The following DNAH3 variants were observed in gnomAD, a reference collection of about 807,000 sequenced individuals.
The protein encoded by DNAH3 is dynein axonemal heavy chain 3, also known as axonemal beta dynein heavy chain 3.
In DNAH3, 332 loss-of-function variants were observed where a neutral mutation model predicts 432.5. The observed-to-expected ratio is 0.77, with a 90% CI of 0.70 to 0.84. The LOEUF (loss-of-function observed/expected upper bound fraction) is 0.84, where lower values mean the gene tolerates loss of function less well. Among genes scored for constraint, DNAH3 ranks in the 40% least tolerant of loss-of-function variants. The pLI, the probability that DNAH3 is intolerant of heterozygous loss-of-function variation, is 0.00. For missense variants in DNAH3, 4,861 were observed against 5,114.0 expected (o/e 0.95, Z 1.51); for synonymous variants, 1,956 against 1,900.2 (o/e 1.03, Z -0.76).
intron 3 of DNAH3, 93 bp from the exon 5 acceptor site, chr16:21,141,465 G>T: frequency 1.1e-6 from 1 of 894,304 alleles, no homozygotes; most frequent in Non-Finnish European, 1.8e-6. Flanking sequence ...CAGTCCAGGA[G>T]CACACTAAGG....
chr16:20,944,591 C>G (rs1330059376), exon 58 of DNAH3: 1 of 1,614,112 alleles, frequency 6.2e-7, no homozygotes, highest in Admixed American at 1.7e-5. Flanking sequence ...TTGGTGATGT[C>G]TGCGTTCTCA....
chr16:21,009,931 G>T lies in DNAH3; in HGVS notation c.6023-6724C>A, dbSNP rs539588233. ...AGGAGAGGAGGGGAGGGGAGGGGAG[G>T]GGAGGGGAGGAAAAGAAGGAAGGGA... On this transcript the variant is annotated intron_variant, in intron 41 of 61. Coordinates refer to ENST00000261383, the Ensembl canonical transcript of DNAH3. 1.0e-3 allele frequency among the ~76,000 whole-genome samples: 152 copies of T among 146,296 alleles called. 1 individual carries two copies. The highest frequency in any genetic ancestry group is 3.5e-3 in the Middle Eastern group (1 of 286).
chr16:21,019,402 T>A (rs1030398797), intron 41 of DNAH3: 3 of 570,142 alleles, frequency 5.3e-6, no homozygotes, highest in African/African-American at 1.9e-5. Flanking sequence ...TCAAGTGATC[T>A]GCCCACCTCA....
intron 39 of DNAH3, among the ~76,000 whole-genome samples, 168 bp downstream of exon 39, chr16:21,024,428 T>G (rs1166002223): frequency 6.6e-6 from 1 of 151,540 alleles, no homozygotes; most frequent in Non-Finnish European, 1.5e-5. Flanking sequence ...GAGAAGAAAG[T>G]TCGAAAAATG....
chr16:21,061,583 A>T (rs1176990105), intron 25 of DNAH3, among the ~76,000 whole-genome samples: 3 of 152,242 alleles, frequency 2.0e-5, no homozygotes, highest in Non-Finnish European at 4.4e-5. Context: ...CTCAGAAGGC[A>T]AATGAAACAT....
chr16:20,965,250 C>T (rs530110255), exon 53 of DNAH3: 10 of 1,612,862 alleles, frequency 6.2e-6, no homozygotes, highest in African/African-American at 4.0e-5. Context: ...CGCAGGCCGA[C>T]GATACATTTT....
chr16:20,956,257 CT>C (rs2084560781), intron 54 of DNAH3, among the ~76,000 whole-genome samples: 5 of 152,110 alleles, frequency 3.3e-5, no homozygotes, highest in Admixed American at 3.3e-4. Flanking sequence ...AAACCTAAGG[CT>C]TTCTTTTACA....
At chr16:21,106,468 T>A (rs567912027) in intron 15 of DNAH3, 22 bp downstream of exon 15, 2 of 1,548,148 alleles carry the variant, frequency 1.3e-6, no homozygotes, top group Non-Finnish European at 1.8e-6. Flanking sequence ...ATTTCGATGG[T>A]CACACATGGC....
intron 52 of DNAH3, among the ~76,000 whole-genome samples, chr16:20,969,358 CTCTT>C (rs1451550655): frequency 2.0e-5 from 3 of 151,966 alleles, no homozygotes; most frequent in Admixed American, 1.3e-4. Context: ...ATTTTTCAGA[CTCTT>C]TCTCTCTGTT....
At chr16:21,079,118 T>A (rs2091084034) in intron 20 of DNAH3, among the ~76,000 whole-genome samples, 1 of 152,222 alleles carries the variant, frequency 6.6e-6, no homozygotes, top group African/African-American at 2.4e-5. Flanking sequence ...GGAGAGGGGT[T>A]TACTTTTTCA....
chr16:21,121,030 T>C (rs1450851176), intron 10 of DNAH3: 1 of 697,184 alleles, frequency 1.4e-6, no homozygotes, highest in Non-Finnish European at 2.6e-6. Flanking sequence ...TTGGGCCTCC[T>C]TGCACTGCAA....
At chr16:21,058,238 G>T in intron 26 of DNAH3, 42 bp from the exon 27 acceptor site, 1 of 1,292,818 alleles carries the variant, frequency 7.7e-7, no homozygotes, top group Non-Finnish European at 1.1e-6. Context: ...CAGTTCACGT[G>T]TGGTTTAAAC....
At chr16:21,036,307 C>G (rs2089164778) in intron 35 of DNAH3, among the ~76,000 whole-genome samples, 2 of 152,294 alleles carry the variant, frequency 1.3e-5, no homozygotes, top group South Asian at 4.1e-4. Flanking sequence ...GCCTGGGCAA[C>G]AGAGCAAGAC....
intron 51 of DNAH3, among the ~76,000 whole-genome samples, chr16:20,972,918 AG>A (rs911392579): frequency 2.0e-5 from 3 of 151,698 alleles, no homozygotes; most frequent in Non-Finnish European, 4.4e-5. Context: ...TAGTAGAGAC[AG>A]GGTTTCACCA....
intron 3 of DNAH3, among the ~76,000 whole-genome samples, chr16:21,141,628 C>T (rs754631471): frequency 2.0e-5 from 3 of 152,230 alleles, no homozygotes; most frequent in Admixed American, 6.5e-5. Flanking sequence ...ATCTTCCATT[C>T]GTTCATACAT....
rs1329333634 is a variant in DNAH3 at position 21,042,224 on chromosome 16, T to C, written c.4462-21A>G. The stretch of plus-strand genomic sequence containing the variant: ...TCTACCTGGGGTGAGAATGCCCGGC[T>C]GATAAGAGCATCTGCTTCTGTCTGA... On this transcript the variant is annotated intron_variant, in intron 31 of 61. Transcript: ENST00000261383. 3.8e-6 allele frequency: 6 copies of C among 1,568,914 alleles called. No homozygotes were observed. In the South Asian group the frequency reaches 6.0e-5, roughly 16 times the overall value.
At chr16:21,141,205 T>C (rs773765787) in intron 4 of DNAH3, 95 bp downstream of exon 5, 5 of 889,830 alleles carry the variant, frequency 5.6e-6, no homozygotes, top group Non-Finnish European at 8.7e-6. Context: ...TGGGAATGCT[T>C]TGAAGCCAAG....
intron 47 of DNAH3, among the ~76,000 whole-genome samples, 179 bp downstream of exon 47, chr16:20,987,126 A>T (rs2086235873): frequency 4.6e-5 from 7 of 152,216 alleles, no homozygotes. Flanking sequence ...AAGGGAAGCA[A>T]AGTTGGACCA....
Position 21,107,082 on chromosome 16 carries a change from C to G in DNAH3, c.2100-408G>C, listed in dbSNP as rs186206691. ...GGTATGTGGGTGTCAGAGCCAAGAT[C>G]TGAACCTGGGTTAATTGACTCCAAA... is the stretch of plus-strand genomic sequence containing the variant. On this transcript the variant is annotated intron_variant, in intron 14 of 61. Coordinates refer to ENST00000261383, the Ensembl canonical transcript of DNAH3. Among the ~76,000 whole-genome samples the G allele has an allele frequency of 7.2e-3, 1,093 of 150,924 alleles. 16 individuals carry two copies. The highest frequency in any genetic ancestry group is 0.026 in the African/African-American group (1,029 of 40,348).
Sources: gnomAD v4.1 joint callset for allele counts (sites outside exome capture counted in the v4.1 genomes callset) on GRCh38, gnomAD v4.1.1 for gene constraint, MANE v1.5 for transcripts, NCBI Gene and HGNC (gene_info 2026-07-23, HGNC 2026-07-21) for gene names.